The following IGSF11 variants were observed in gnomAD, a reference collection of about 807,000 sequenced individuals.
IGSF11 encodes immunoglobulin superfamily member 11, also known as CXADR like 1.
IGSF11 carries 22 observed loss-of-function variants against 41.0 expected under a neutral mutation model. The ratio of observed to expected loss-of-function variants is 0.54; its 90% confidence interval spans 0.38 to 0.77. IGSF11 has a LOEUF of 0.77. Ranked by LOEUF, IGSF11 falls within the 30% of genes least tolerant of loss-of-function variation. The pLI, the probability that IGSF11 is intolerant of heterozygous loss-of-function variation, is 0.00. For synonymous variants in IGSF11, 219 were observed against 201.3 expected (o/e 1.09, Z -0.74); for missense variants, 444 against 530.8 (o/e 0.84, Z 1.61).
chr3:118,965,783 C>G (rs928251524), intron 1 of IGSF11, among the ~76,000 whole-genome samples: 1 of 152,034 alleles, frequency 6.6e-6, no homozygotes, highest in Non-Finnish European at 1.5e-5. Context: ...TCTAAAATCC[C>G]TGCAAAATGT....
intron 2 of IGSF11, among the ~76,000 whole-genome samples, chr3:118,929,157 C>T (rs982010977): frequency 2.0e-5 from 3 of 152,204 alleles, no homozygotes; most frequent in African/African-American, 7.2e-5. Flanking sequence ...TCCATGATTA[C>T]TGTTCTTATG....
rs1199238037 is a variant in IGSF11, at chr3:119,034,836, G to C, written c.-254C>G. ...CTCGCCAGCCGTGCCACCCAGCCCT[G>C]CCCCAGGACTAGCCGACCCCTCGCG... On this transcript the variant is annotated 5_prime_UTR_variant, in exon 1 of 7. Coordinates refer to ENST00000393775, the MANE Select transcript of IGSF11 (RefSeq NM_001015887.3). 3 of 1,235,224 alleles carry C rather than the reference G, an allele frequency of 2.4e-6. No homozygotes were observed. The highest frequency in any genetic ancestry group is 1.6e-5 in the African/African-American group (1 of 64,200). The allele number at this position is 1,235,224 out of a possible 1,614,324, so 76.5% of individuals were successfully genotyped here. A position where few individuals can be genotyped will look rare whatever the true frequency, so the allele number is the denominator to read the frequency against.
In IGSF11 at chr3:118,928,544, C is replaced by T. The variant is rs367943836; in HGVS notation, c.389G>A (p.Gly130Asp). ...GAGACCGGTGACCCCAATGTTCCTG[C>T]CCCCTATGTCTGGAAGGTTGTTGAC... ...CLVNNLPDIG[G>D]RNIGVTGLTV... Residue 130 changes from glycine (G) to aspartate (D), a missense_variant, in exon 3 of 7, where the codon GGC becomes GAC. Gly to Asp is a moderately conservative substitution (Grantham distance 94). Transcript: ENST00000393775. 2 of 1,613,358 alleles carry T rather than the reference C, an allele frequency of 1.2e-6. No homozygotes were observed. The highest frequency in any genetic ancestry group is 3.3e-5 in the Admixed American group (2 of 60,022).
intron 1 of IGSF11, among the ~76,000 whole-genome samples, chr3:119,072,254 C>G (rs74355362): frequency 0.022 from 3,406 of 152,248 alleles, 128 homozygotes; most frequent in African/African-American, 0.074. Context: ...AACAAATAAG[C>G]CTTTTTAAAA....
chr3:119,106,502 C>G (rs945060725), upstream of IGSF11, among the ~76,000 whole-genome samples: 2 of 152,178 alleles, frequency 1.3e-5, no homozygotes, highest in African/African-American at 4.8e-5. Flanking sequence ...TAATGACCTA[C>G]AGTTCCATCC....
intron 1 of IGSF11, among the ~76,000 whole-genome samples, chr3:118,992,197 C>G (rs1312759508): frequency 6.6e-6 from 1 of 152,208 alleles, no homozygotes; most frequent in Non-Finnish European, 1.5e-5. Flanking sequence ...TCACAAACAA[C>G]CTATATTCCA....
intron 1 of IGSF11, among the ~76,000 whole-genome samples, chr3:118,953,852 G>A (rs1944764565): frequency 6.6e-6 from 1 of 152,190 alleles, no homozygotes; most frequent in Admixed American, 6.5e-5. Context: ...TCTGTGGGTT[G>A]TCAGTTTACT....
At chr3:118,940,608 T>C (rs181767314) in intron 1 of IGSF11, among the ~76,000 whole-genome samples, 23 of 152,220 alleles carry the variant, frequency 1.5e-4, no homozygotes, top group Admixed American at 1.4e-3. Flanking sequence ...CAACCCAAAT[T>C]TATCTTTAGA....
At chr3:119,146,011 T>G in exon 1 of IGSF11, 1 of 592,956 alleles carries the variant, frequency 1.7e-6, no homozygotes, top group South Asian at 2.1e-5. Flanking sequence ...CACTGCAGGG[T>G]CAGCTGACTG....
chr3:119,049,849 T>A (rs1170215462), intron 1 of IGSF11, among the ~76,000 whole-genome samples: 1 of 147,736 alleles, frequency 6.8e-6, no homozygotes, highest in Non-Finnish European at 1.5e-5. Flanking sequence ...ACGCCGCATA[T>A]CTACAACTAT....
At chr3:118,988,560 T>C (rs1034234425) in intron 1 of IGSF11, among the ~76,000 whole-genome samples, 2 of 152,178 alleles carry the variant, frequency 1.3e-5, no homozygotes, top group Non-Finnish European at 2.9e-5. Context: ...TAAAGACATA[T>C]TGATTAACGA....
At chr3:118,922,441 T>C (rs1941892705) in intron 4 of IGSF11, among the ~76,000 whole-genome samples, 1 of 151,774 alleles carries the variant, frequency 6.6e-6, no homozygotes, top group South Asian at 2.1e-4. Flanking sequence ...CTGGGAACAG[T>C]TAAGATCTCC....
intron 1 of IGSF11, among the ~76,000 whole-genome samples, chr3:118,967,650 T>C (rs566766823): frequency 6.0e-4 from 92 of 152,112 alleles, no homozygotes; most frequent in Non-Finnish European, 1.1e-3. Context: ...GAAATCACTT[T>C]CTTAAAGAAC....
chr3:119,000,788 A>C (rs2107669566), intron 1 of IGSF11, among the ~76,000 whole-genome samples: 1 of 152,290 alleles, frequency 6.6e-6, no homozygotes, highest in South Asian at 2.1e-4. Context: ...GGTCACTCTT[A>C]ACTCATCTTC....
At chr3:119,140,323 T>C (rs1340049408) in intron 1 of IGSF11, among the ~76,000 whole-genome samples, 1 of 152,100 alleles carries the variant, frequency 6.6e-6, no homozygotes, top group Non-Finnish European at 1.5e-5. Context: ...AGAGCTGGAG[T>C]GGCTATACTA....
intron 1 of IGSF11, among the ~76,000 whole-genome samples, chr3:119,002,488 T>G (rs1216373154): frequency 7.7e-6 from 1 of 129,920 alleles, no homozygotes; most frequent in Non-Finnish European, 1.5e-5. Flanking sequence ...TAGGTCCCAT[T>G]TGTCAATTTT....
At chr3:118,950,272 C>A (rs184222480) in intron 1 of IGSF11, among the ~76,000 whole-genome samples, 41 of 152,222 alleles carry the variant, frequency 2.7e-4, no homozygotes, top group Admixed American at 2.2e-3. Context: ...GGATCTGATC[C>A]GTTATATCAC....
chr3:119,017,005 G>A (rs1380847125), intron 1 of IGSF11, among the ~76,000 whole-genome samples: 2 of 138,482 alleles, frequency 1.4e-5, no homozygotes, highest in South Asian at 2.2e-4. Context: ...ACAGATATGG[G>A]CTAAAGCATG....
At chr3:119,109,846 T>C (rs540379958), upstream of IGSF11, among the ~76,000 whole-genome samples, 1 of 152,358 alleles carries the variant, frequency 6.6e-6, no homozygotes, top group Non-Finnish European at 1.5e-5. Flanking sequence ...CTTCGTTATG[T>C]ACCCAGTAGT....
Sources: gnomAD v4.1 joint callset for allele counts (sites outside exome capture counted in the v4.1 genomes callset) on GRCh38, gnomAD v4.1.1 for gene constraint, MANE v1.5 for transcripts, NCBI Gene and HGNC (gene_info 2026-07-23, HGNC 2026-07-21) for gene names.